The following PARVA variants were observed in gnomAD, a reference collection of about 807,000 sequenced individuals.
The protein encoded by PARVA is alpha-parvin.
PARVA carries 25 observed loss-of-function variants against 52.6 expected under a neutral mutation model. The observed-to-expected ratio is 0.48, with a 90% CI of 0.35 to 0.66. The LOEUF is 0.66. Among genes scored for constraint, PARVA ranks in the 30% least tolerant of loss-of-function variants. The pLI is 0.01. For missense variants in PARVA, 373 were observed against 450.9 expected (o/e 0.83, Z 1.56); for synonymous variants, 185 against 179.1 (o/e 1.03, Z -0.26).
chr11:12,382,381 C>CT (rs546439424), intron 1 of PARVA, among the ~76,000 whole-genome samples: 13,973 of 128,264 alleles, frequency 0.11, 670 homozygotes, highest in Middle Eastern at 0.22. Flanking sequence ...GTAACTTTTT[C>CT]TTTTTTTTTT....
intron 10 of PARVA, among the ~76,000 whole-genome samples, 152 bp downstream of exon 10, chr11:12,514,217 CTG>C (rs1165472436): frequency 1.5e-4 from 23 of 152,224 alleles, no homozygotes; most frequent in African/African-American, 5.1e-4. Context: ...GACTGAGTCT[CTG>C]TGGATTTTTT....
chr11:12,510,580 A>C (rs1336486334), intron 7 of PARVA, among the ~76,000 whole-genome samples: 1 of 135,802 alleles, frequency 7.4e-6, no homozygotes, highest in Non-Finnish European at 1.6e-5. Flanking sequence ...AAAAATGGTG[A>C]AAAATGGTTT....
chr11:12,457,439 T>C (rs1315025551), intron 1 of PARVA, among the ~76,000 whole-genome samples: 2 of 152,198 alleles, frequency 1.3e-5, no homozygotes, highest in Non-Finnish European at 2.9e-5. Flanking sequence ...GCCTAAGTTA[T>C]AAGCAAAAAT....
intron 1 of PARVA, among the ~76,000 whole-genome samples, chr11:12,428,148 T>C (rs1940263485): frequency 6.6e-6 from 1 of 152,210 alleles, no homozygotes; most frequent in Non-Finnish European, 1.5e-5. Flanking sequence ...CTGGGAAATT[T>C]ACAGAACAGT....
intron 1 of PARVA, among the ~76,000 whole-genome samples, chr11:12,451,083 G>A (rs1940617638): frequency 6.6e-6 from 1 of 152,196 alleles, no homozygotes; most frequent in Non-Finnish European, 1.5e-5. Context: ...AGGACCAGTT[G>A]AGGCCTAGCT....
rs150412375 is a variant in PARVA, at chr11:12,427,117, C to T, written c.137-46628C>T. ...TGAAGTAAAAATCAGGCTAATAAGA[C>T]AGGGTTTTAAATTTTAATTAATATA... On this transcript the variant is annotated intron_variant, in intron 1 of 12. Coordinates refer to ENST00000334956, the MANE Select transcript of PARVA (RefSeq NM_018222.5). Among the ~76,000 whole-genome samples, 1,176 of 152,006 alleles carry T rather than the reference C, an allele frequency of 7.7e-3. 17 individuals are homozygous for T. Among genetic ancestry groups the T allele is most frequent in the African/African-American group, 0.027 (1,103 of 41,414 alleles).
At chr11:12,464,917 G>A (rs1281201812) in intron 1 of PARVA, among the ~76,000 whole-genome samples, 2 of 152,166 alleles carry the variant, frequency 1.3e-5, no homozygotes, top group South Asian at 4.1e-4. Context: ...GTCGGGGTTA[G>A]TTTCGGGATG....
At chr11:12,503,144 G>A (rs1340426543) in intron 5 of PARVA, among the ~76,000 whole-genome samples, 3 of 152,082 alleles carry the variant, frequency 2.0e-5, no homozygotes, top group Admixed American at 6.6e-5. Flanking sequence ...GTAACATCCC[G>A]TCCCAGCTGC....
At chr11:12,381,993 C>A (rs763487049) in intron 1 of PARVA, among the ~76,000 whole-genome samples, 19 of 152,158 alleles carry the variant, frequency 1.2e-4, no homozygotes, top group Non-Finnish European at 2.5e-4. Flanking sequence ...TATGCGAGAA[C>A]CTCAAGAGAT....
At chr11:12,464,272 TA>T (rs1383544995) in intron 1 of PARVA, among the ~76,000 whole-genome samples, 5 of 152,232 alleles carry the variant, frequency 3.3e-5, no homozygotes, top group Non-Finnish European at 5.9e-5. Context: ...TATATTAAGT[TA>T]AACATAAGTT....
At chr11:12,423,723 C>T (rs987980575) in intron 1 of PARVA, among the ~76,000 whole-genome samples, 23 of 152,120 alleles carry the variant, frequency 1.5e-4, no homozygotes, top group Admixed American at 3.9e-4. Flanking sequence ...ATGGTGATTC[C>T]GACATCTATT....
chr11:12,473,339 C>A (rs913290786), intron 1 of PARVA, among the ~76,000 whole-genome samples: 6 of 152,178 alleles, frequency 3.9e-5, no homozygotes, highest in Non-Finnish European at 7.4e-5. Context: ...AGCCTCAAAC[C>A]CATGACCCCA....
chr11:12,428,601 C>A (rs1359553498), intron 1 of PARVA, among the ~76,000 whole-genome samples: 3 of 152,154 alleles, frequency 2.0e-5, no homozygotes, highest in Non-Finnish European at 4.4e-5. Context: ...TAAACTCTGG[C>A]CATCATGGCA....
chr11:12,493,669 A>G (rs944878653), intron 4 of PARVA, among the ~76,000 whole-genome samples: 1 of 152,184 alleles, frequency 6.6e-6, no homozygotes, highest in Non-Finnish European at 1.5e-5. Context: ...TTTTAGTACC[A>G]TAGACTAGTT....
intron 1 of PARVA, among the ~76,000 whole-genome samples, chr11:12,456,550 A>T (rs117357381): frequency 6.6e-6 from 1 of 152,096 alleles, no homozygotes; most frequent in East Asian, 1.9e-4. Flanking sequence ...GATTAAACTC[A>T]TACTTGGTAT....
intron 4 of PARVA, chr11:12,478,241 ACGCCTC>A: frequency 2.3e-6 from 1 of 441,426 alleles, no homozygotes; most frequent in Non-Finnish European, 4.3e-6. Context: ...ACTAGAAAGC[ACGCCTC>A]CGCCTCTCCA....
intron 1 of PARVA, among the ~76,000 whole-genome samples, chr11:12,395,332 G>A (rs1271718858): frequency 6.6e-6 from 1 of 152,178 alleles, no homozygotes; most frequent in Non-Finnish European, 1.5e-5. Flanking sequence ...CACCGAATGT[G>A]TTTACCGAAG....
chr11:12,407,950 A>G (rs1939938128), intron 1 of PARVA, among the ~76,000 whole-genome samples: 1 of 152,254 alleles, frequency 6.6e-6, no homozygotes, highest in African/African-American at 2.4e-5. Context: ...ACCTGCGATG[A>G]GTCCCCATCC....
intron 1 of PARVA, among the ~76,000 whole-genome samples, chr11:12,388,374 C>A (rs1468880911): frequency 6.6e-6 from 1 of 152,212 alleles, no homozygotes; most frequent in Non-Finnish European, 1.5e-5. Context: ...TAAACCGACA[C>A]GTGACCAGTG....
Sources: allele counts gnomAD v4.1 joint callset (sites outside exome capture counted in the v4.1 genomes callset), GRCh38; gene constraint gnomAD v4.1.1; transcripts MANE v1.5; gene names NCBI Gene and HGNC (gene_info 2026-07-23, HGNC 2026-07-21).